Variants in SIK3 observed in about 807,000 individuals in gnomAD.
The protein encoded by SIK3 is SIK family kinase 3.
In SIK3, 28 loss-of-function variants were observed where a neutral mutation model predicts 144.2. The ratio of observed to expected loss-of-function variants is 0.19; its 90% CI spans 0.14 to 0.27. SIK3 has a LOEUF of 0.27. SIK3 is among the 10% of genes least tolerant of loss of function. The pLI is 1.00. For synonymous variants in SIK3, 686 were observed against 676.3 expected (o/e 1.01, Z -0.22); for missense variants, 1,319 against 1,776.0 (o/e 0.74, Z 4.62).
At chr11:116,868,645 T>A (rs1290005186) in intron 14 of SIK3, 1 of 154,120 alleles carries the variant, frequency 6.5e-6, no homozygotes, top group Non-Finnish European at 1.4e-5. Context: ...TTGGTGACTA[T>A]AACTCAATCA....
intron 15 of SIK3, chr11:116,865,051 A>C (rs978237642): frequency 2.6e-5 from 4 of 151,932 alleles, no homozygotes; most frequent in African/African-American, 9.6e-5. Flanking sequence ...GTTCAGCAAC[A>C]CAAAAAACAA....
intron 3 of SIK3, among the ~76,000 whole-genome samples, chr11:116,949,423 A>G (rs1202574637): frequency 6.6e-6 from 1 of 152,240 alleles, no homozygotes; most frequent in African/African-American, 2.4e-5. Flanking sequence ...TGTTTTGAAT[A>G]ATGCCCTGGG....
intron 1 of SIK3, among the ~76,000 whole-genome samples, chr11:117,078,537 C>G (rs1019251531): frequency 6.6e-6 from 1 of 151,472 alleles, no homozygotes; most frequent in African/African-American, 2.4e-5. Flanking sequence ...GCCTCAGCCT[C>G]CCAAGTAGCT....
intron 11 of SIK3, among the ~76,000 whole-genome samples, chr11:116,874,867 G>A (rs1471500659): frequency 1.3e-5 from 2 of 152,192 alleles, no homozygotes; most frequent in Non-Finnish European, 2.9e-5. Context: ...AAAATGGGGC[G>A]AGCTGGCCTT....
chr11:117,053,528 A>G (rs563706580), intron 1 of SIK3, among the ~76,000 whole-genome samples: 1 of 152,296 alleles, frequency 6.6e-6, no homozygotes, highest in South Asian at 2.1e-4. Context: ...TATAAATGAG[A>G]AAACTGAGAC....
At chr11:117,032,232 A>G (rs377200112) in intron 1 of SIK3, among the ~76,000 whole-genome samples, 3 of 152,316 alleles carry the variant, frequency 2.0e-5, no homozygotes, top group African/African-American at 7.2e-5. Context: ...TAAAAATTGC[A>G]TTAAACTTGT....
chr11:116,863,238 T>G (rs898196597), intron 16 of SIK3, among the ~76,000 whole-genome samples: 3 of 152,112 alleles, frequency 2.0e-5, no homozygotes, highest in Non-Finnish European at 4.4e-5. Context: ...GTAAAGAAAG[T>G]GCATTAGAAA....
At chr11:116,954,137 G>A in intron 2 of SIK3, 30 bp from the exon 3 acceptor site, 3 of 1,596,506 alleles carry the variant, frequency 1.9e-6, no homozygotes, top group Non-Finnish European at 2.6e-6. Flanking sequence ...GTGACAGACA[G>A]TGACACAAAT....
At chr11:116,856,478 A>G (rs1591381385) in intron 21 of SIK3, among the ~76,000 whole-genome samples, 1 of 152,172 alleles carries the variant, frequency 6.6e-6, no homozygotes, top group Non-Finnish European at 1.5e-5. Context: ...TCTTCCATCT[A>G]ACAAGCGTGA....
intron 4 of SIK3, among the ~76,000 whole-genome samples, chr11:116,920,487 T>C (rs1019669542): frequency 2.6e-5 from 4 of 152,186 alleles, no homozygotes; most frequent in African/African-American, 9.6e-5. Flanking sequence ...GAGTTTATCT[T>C]TGTCACAGCC....
intron 23 of SIK3, among the ~76,000 whole-genome samples, chr11:116,847,195 C>T (rs955056071): frequency 1.3e-5 from 2 of 152,182 alleles, no homozygotes; most frequent in Non-Finnish European, 2.9e-5. Flanking sequence ...GGACCTGATG[C>T]CCTCTAAGCA....
chr11:117,000,721 C>T (rs1950818989), intron 1 of SIK3, among the ~76,000 whole-genome samples: 1 of 152,216 alleles, frequency 6.6e-6, no homozygotes, highest in South Asian at 2.1e-4. Context: ...CCAGGACCAG[C>T]TCCAAAGTGA....
In SIK3 at chr11:117,098,141, A is replaced by G; in HGVS notation, c.273+2T>C. The G allele has an allele frequency of 6.7e-7, 1 of 1,484,106 alleles. No homozygotes were observed. Among genetic ancestry groups the G allele is most frequent in the Admixed American group, 2.0e-5 (1 of 50,554 alleles). 91.9% of individuals were successfully genotyped at this position (1,484,106 alleles called of 1,614,324 possible). The stretch of plus-strand genomic sequence containing the variant: ...ACTGCCGCCTGGCCCCTGCGCCGGT[A>G]CCTTGGCCTTGGTGACGAGGTGCGT... On this transcript the variant is annotated splice_donor_variant, in intron 1 of 24. Coordinates refer to ENST00000445177, the MANE Select transcript of SIK3 (RefSeq NM_001366686.3). LOFTEE classifies it high-confidence loss of function.
At chr11:116,898,272 A>G (rs915950591) in intron 4 of SIK3, among the ~76,000 whole-genome samples, 12 of 152,108 alleles carry the variant, frequency 7.9e-5, no homozygotes, top group African/African-American at 2.4e-4. Flanking sequence ...ATGATTTCCA[A>G]TTTCATCCAT....
chr11:116,950,274 A>G (rs920767273), intron 3 of SIK3: 1 of 395,120 alleles, frequency 2.5e-6, no homozygotes, highest in African/African-American at 2.2e-5. Context: ...GAAAGCTGCT[A>G]TTCAGATGCT....
At chr11:116,976,588 G>A (rs1214800645) in intron 1 of SIK3, among the ~76,000 whole-genome samples, 1 of 152,202 alleles carries the variant, frequency 6.6e-6, no homozygotes, top group East Asian at 1.9e-4. Flanking sequence ...TTATCTGTCT[G>A]CTAGGACCAC....
chr11:116,977,823 T>G (rs1334338621), intron 1 of SIK3, among the ~76,000 whole-genome samples: 2 of 152,130 alleles, frequency 1.3e-5, no homozygotes, highest in Non-Finnish European at 2.9e-5. Context: ...CTAGGCACGC[T>G]CTCTATTTAG....
At chr11:116,854,339 G>A (rs2134345062) in intron 21 of SIK3, among the ~76,000 whole-genome samples, 1 of 152,326 alleles carries the variant, frequency 6.6e-6, no homozygotes, top group Non-Finnish European at 1.5e-5. Context: ...TCTAGCCTAG[G>A]TGACAGAGCA....
At chr11:116,862,006 CAGAA>C in intron 17 of SIK3, 80 bp from the exon 18 acceptor site, 4 of 1,279,492 alleles carry the variant, frequency 3.1e-6, no homozygotes, top group Admixed American at 2.0e-5. Flanking sequence ...AGGGAAGAAA[CAGAA>C]AGAACTATCT....
Sources: gnomAD v4.1 joint callset for allele counts (sites outside exome capture counted in the v4.1 genomes callset) on GRCh38, gnomAD v4.1.1 for gene constraint, MANE v1.5 for transcripts, NCBI Gene and HGNC (gene_info 2026-07-23, HGNC 2026-07-21) for gene names.